Variants in EXOC6B observed in about 807,000 individuals in gnomAD.
The protein encoded by EXOC6B is exocyst complex component 6B, also known as SEC15 homolog B.
In EXOC6B, 54 loss-of-function variants were observed where a neutral mutation model predicts 113.5. The observed-to-expected ratio is 0.48, with a 90% confidence interval of 0.38 to 0.60. The LOEUF is 0.60. Ranked by LOEUF, EXOC6B falls within the 20% of genes least tolerant of loss-of-function variation. EXOC6B has a pLI of 0.00. For missense variants in EXOC6B, 797 were observed against 977.5 expected, an observed-to-expected ratio of 0.82 and a Z score of 2.46; for synonymous variants, 357 against 339.0, an observed-to-expected ratio of 1.05 and a Z score of -0.58.
rs910574664 is a variant in EXOC6B at position 72,186,409 on chromosome 2, G to A, written c.2197-2222C>T. On this transcript the variant is annotated intron_variant, in intron 20 of 21. Coordinates refer to ENST00000272427, the MANE Select transcript of EXOC6B (RefSeq NM_015189.3). ...GCTTCCTGGGACCACGACAGGTACTGAGAGTACCCCTTGTTCTAAAGTTCT... is the reference window on the plus strand; with the variant it reads ...GCTTCCTGGGACCACGACAGGTACTAAGAGTACCCCTTGTTCTAAAGTTCT... Among the ~76,000 whole-genome samples the A allele has an allele frequency of 2.6e-5, 4 of 152,162 alleles. No individual in the cohort carries two copies. The South Asian group carries it at 8.3e-4, about 31-fold the overall frequency.
intron 20 of EXOC6B, among the ~76,000 whole-genome samples, chr2:72,304,745 G>C (rs1001014928): frequency 2.0e-5 from 3 of 152,126 alleles, no homozygotes; most frequent in African/African-American, 7.2e-5. Context: ...CCTGTTTTTG[G>C]TTATATCAGT....
chr2:72,684,510 A>C (rs1676945290), intron 6 of EXOC6B, among the ~76,000 whole-genome samples: 1 of 152,208 alleles, frequency 6.6e-6, no homozygotes, highest in African/African-American at 2.4e-5. Flanking sequence ...CCACAAAAAA[A>C]CCTTGTATAA....
At chr2:72,329,223 T>A (rs1250195439) in intron 20 of EXOC6B, among the ~76,000 whole-genome samples, 1 of 152,112 alleles carries the variant, frequency 6.6e-6, no homozygotes, top group Non-Finnish European at 1.5e-5. Context: ...AAACTACAGT[T>A]CATCTCCCAA....
intron 19 of EXOC6B, among the ~76,000 whole-genome samples, chr2:72,346,223 C>T (rs920109657): frequency 2.0e-5 from 3 of 152,074 alleles, no homozygotes; most frequent in African/African-American, 7.2e-5. Context: ...ATAGACATGG[C>T]TTTTTAATTA....
At chr2:72,760,254 G>A (rs1194461524) in intron 1 of EXOC6B, among the ~76,000 whole-genome samples, 2 of 152,130 alleles carry the variant, frequency 1.3e-5, no homozygotes, top group Non-Finnish European at 2.9e-5. Flanking sequence ...CCAATGATCT[G>A]GATCATACTC....
chr2:72,310,850 A>AATAC (rs759804146), intron 20 of EXOC6B, among the ~76,000 whole-genome samples: 1 of 120,290 alleles, frequency 8.3e-6, no homozygotes, highest in African/African-American at 4.0e-5. Context: ...TATTTCATTT[A>AATAC]ACACACACAC....
At chr2:72,188,115 T>C (rs1678567046) in intron 20 of EXOC6B, among the ~76,000 whole-genome samples, 1 of 151,968 alleles carries the variant, frequency 6.6e-6, no homozygotes, top group African/African-American at 2.4e-5. Flanking sequence ...GCAGCTGTGG[T>C]TTGGGTGGCT....
chr2:72,591,427 C>A (rs938107666), intron 6 of EXOC6B, among the ~76,000 whole-genome samples: 1 of 152,046 alleles, frequency 6.6e-6, no homozygotes, highest in African/African-American at 2.4e-5. Context: ...TTTATAATAA[C>A]CCTTTGAATG....
At chr2:72,750,355 TG>T (rs1258250888) in intron 1 of EXOC6B, among the ~76,000 whole-genome samples, 2 of 152,070 alleles carry the variant, frequency 1.3e-5, no homozygotes, top group African/African-American at 4.8e-5. Flanking sequence ...GGATACACTG[TG>T]AAAAACATTT....
At chr2:72,214,920 T>G (rs1023872143) in intron 20 of EXOC6B, among the ~76,000 whole-genome samples, 2 of 152,220 alleles carry the variant, frequency 1.3e-5, no homozygotes, top group African/African-American at 4.8e-5. Context: ...ACAGGATGAC[T>G]TGCATAGTTT....
intron 8 of EXOC6B, among the ~76,000 whole-genome samples, chr2:72,529,083 T>C (rs1430711537): frequency 2.0e-5 from 3 of 152,180 alleles, no homozygotes; most frequent in African/African-American, 7.2e-5. Flanking sequence ...CAGCACTATA[T>C]TGAATAAAAG....
At chr2:72,491,476 C>T (rs1026965184) in intron 16 of EXOC6B, among the ~76,000 whole-genome samples, 5 of 152,134 alleles carry the variant, frequency 3.3e-5, no homozygotes, top group African/African-American at 1.2e-4. Context: ...TTCCAAACTG[C>T]ACCACCTCTA....
chr2:72,393,009 G>A (rs34183790), intron 18 of EXOC6B, among the ~76,000 whole-genome samples: 11,284 of 152,110 alleles, frequency 0.074, 500 homozygotes, highest in Non-Finnish European at 0.1. Context: ...TGTGCCCTAT[G>A]CACCTGCAGC....
intron 11 of EXOC6B, among the ~76,000 whole-genome samples, chr2:72,502,326 T>C (rs1700369320): frequency 6.6e-6 from 1 of 152,132 alleles, no homozygotes; most frequent in Non-Finnish European, 1.5e-5. Flanking sequence ...GGCCAGCAGA[T>C]CACCTGAGGT....
intron 18 of EXOC6B, among the ~76,000 whole-genome samples, chr2:72,393,655 T>C (rs1318860678): frequency 2.6e-5 from 4 of 152,202 alleles, no homozygotes; most frequent in Admixed American, 2.0e-4. Flanking sequence ...CTATAATAGA[T>C]ATTTAAAGAA....
chr2:72,567,131 A>C (rs1486700757), intron 7 of EXOC6B, among the ~76,000 whole-genome samples: 1 of 152,018 alleles, frequency 6.6e-6, no homozygotes, highest in African/African-American at 2.4e-5. Flanking sequence ...AAGTTAAATA[A>C]GGATAGTTGA....
intron 1 of EXOC6B, among the ~76,000 whole-genome samples, chr2:72,823,140 T>A (rs1337813443): frequency 7.7e-6 from 1 of 129,936 alleles, no homozygotes; most frequent in Non-Finnish European, 1.6e-5. Context: ...TAAGACTCAG[T>A]GTAATCTGCT....
intron 8 of EXOC6B, among the ~76,000 whole-genome samples, chr2:72,552,662 A>T (rs1045685642): frequency 6.6e-6 from 1 of 152,080 alleles, no homozygotes; most frequent in Non-Finnish European, 1.5e-5. Context: ...ATTCTACAGG[A>T]TGTTATAAAA....
chr2:72,408,281 C>T (rs1278304240), intron 18 of EXOC6B, among the ~76,000 whole-genome samples: 2 of 152,126 alleles, frequency 1.3e-5, no homozygotes, highest in Admixed American at 6.6e-5. Flanking sequence ...GTGAAAATGG[C>T]CATACTGCCC....
Sources: allele counts gnomAD v4.1 joint callset (sites outside exome capture counted in the v4.1 genomes callset), GRCh38; gene constraint gnomAD v4.1.1; transcripts MANE v1.5; gene names NCBI Gene and HGNC (gene_info 2026-07-23, HGNC 2026-07-21).